The following AKT3 variants were observed in gnomAD, a reference collection of about 807,000 sequenced individuals.
The protein encoded by AKT3 is RAC-gamma serine/threonine-protein kinase.
AKT3 carries 15 observed loss-of-function variants against 65.3 expected under a neutral mutation model. The ratio of observed to expected loss-of-function variants is 0.23; its 90% CI spans 0.15 to 0.35. The LOEUF (loss-of-function observed/expected upper bound fraction) is 0.35, where lower values mean the gene tolerates loss of function less well. Ranked by LOEUF, AKT3 falls within the 10% of genes least tolerant of loss-of-function variation. The pLI, the probability that AKT3 is intolerant of heterozygous loss-of-function variation, is 1.00. For synonymous variants in AKT3, 206 were observed against 183.8 expected, an observed-to-expected ratio of 1.12 and a Z score of -0.98; for missense variants, 243 against 576.5, an observed-to-expected ratio of 0.42 and a Z score of 5.92.
At chr1:243,730,364 G>C (rs992827719) in intron 2 of AKT3, among the ~76,000 whole-genome samples, 6 of 152,124 alleles carry the variant, frequency 3.9e-5, no homozygotes, top group African/African-American at 1.4e-4. Flanking sequence ...AGTTGTCCAC[G>C]TAACCTCATT....
Position 243,594,070 on chromosome 1 carries a change from G to A in AKT3, c.696+19601C>T, listed in dbSNP as rs184237751. Among the ~76,000 whole-genome samples, 498 of 152,210 alleles carry A rather than the reference G, an allele frequency of 3.3e-3. 5 individuals are homozygous for A. Among genetic ancestry groups the A allele is most frequent in the African/African-American group, 0.012 (489 of 41,536 alleles). ...ACATTTCAAAGAAATTTAGAAAAAGGGTTTCTAGAACTAATAAGTGAGCTT... is the reference window on the plus strand; with the variant it reads ...ACATTTCAAAGAAATTTAGAAAAAGAGTTTCTAGAACTAATAAGTGAGCTT... On this transcript the variant is annotated intron_variant, in intron 8 of 13. Transcript: ENST00000673466.
At chr1:243,743,975 G>A (rs895689753) in intron 2 of AKT3, among the ~76,000 whole-genome samples, 2 of 152,154 alleles carry the variant, frequency 1.3e-5, no homozygotes, top group South Asian at 2.1e-4. Flanking sequence ...ACATATGCAC[G>A]TTCTATGATC....
chr1:243,583,548 AAAAAAAAAG>A (rs1294667811), intron 8 of AKT3, among the ~76,000 whole-genome samples: 40 of 45,790 alleles, frequency 8.7e-4, no homozygotes, highest in Admixed American at 5.4e-3. Context: ...CTCAAAAAAA[AAAAAAAAAG>A]AAAAAAAAAA....
intron 2 of AKT3, among the ~76,000 whole-genome samples, chr1:243,806,940 C>A (rs1160788779): frequency 6.6e-6 from 1 of 152,116 alleles, no homozygotes; most frequent in Non-Finnish European, 1.5e-5. Context: ...CATTAAAAAG[C>A]AATTTCCCTA....
intron 3 of AKT3, among the ~76,000 whole-genome samples, chr1:243,694,052 G>A (rs1297934242): frequency 4.6e-5 from 7 of 152,258 alleles, no homozygotes; most frequent in Admixed American, 1.3e-4. Flanking sequence ...TTGGCAGACT[G>A]TGACATACAG....
intron 4 of AKT3, among the ~76,000 whole-genome samples, chr1:243,647,821 T>C (rs1680954675): frequency 6.6e-6 from 1 of 152,254 alleles, no homozygotes; most frequent in Non-Finnish European, 1.5e-5. Context: ...CATGCTTTGT[T>C]TCACAAGTTA....
At chr1:243,546,876 C>T (rs1419072566) in intron 11 of AKT3, 1 of 152,104 alleles carries the variant, frequency 6.6e-6, no homozygotes, top group Non-Finnish European at 1.5e-5. Flanking sequence ...ACGATTAGTT[C>T]CAACATGAAT....
intron 2 of AKT3, among the ~76,000 whole-genome samples, chr1:243,729,289 C>T (rs868405985): frequency 6.6e-6 from 1 of 152,106 alleles, no homozygotes; most frequent in South Asian, 2.1e-4. Flanking sequence ...GATACTATTG[C>T]ACCTTTATAT....
At chr1:243,753,439 A>G (rs1363268740) in intron 2 of AKT3, among the ~76,000 whole-genome samples, 2 of 152,182 alleles carry the variant, frequency 1.3e-5, no homozygotes, top group Non-Finnish European at 2.9e-5. Flanking sequence ...AAAATCTAGT[A>G]TCTTCAAAAT....
At chr1:243,531,805 G>T (rs1671549301) in intron 12 of AKT3, among the ~76,000 whole-genome samples, 2 of 152,042 alleles carry the variant, frequency 1.3e-5, no homozygotes, top group South Asian at 4.1e-4. Context: ...ATGTTTTGTA[G>T]TCGGTAGTGT....
intron 12 of AKT3, among the ~76,000 whole-genome samples, chr1:243,544,808 A>T (rs1672553196): frequency 6.6e-6 from 1 of 151,472 alleles, no homozygotes; most frequent in South Asian, 2.1e-4. Context: ...TGCTCAAGCA[A>T]TTCTCCTGCC....
intron 3 of AKT3, among the ~76,000 whole-genome samples, chr1:243,689,264 C>T (rs1365384650): frequency 6.6e-6 from 1 of 151,998 alleles, no homozygotes; most frequent in Non-Finnish European, 1.5e-5. Flanking sequence ...TATGATCTCT[C>T]ATAATTCATG....
At chr1:243,834,426 T>C (rs1037932796) in intron 2 of AKT3, among the ~76,000 whole-genome samples, 2 of 152,178 alleles carry the variant, frequency 1.3e-5, no homozygotes, top group Non-Finnish European at 2.9e-5. Flanking sequence ...ATATTACATG[T>C]TCTCACGTGT....
At chr1:243,846,184 C>T (rs1379756095) in intron 1 of AKT3, among the ~76,000 whole-genome samples, 1 of 152,142 alleles carries the variant, frequency 6.6e-6, no homozygotes, top group Admixed American at 6.5e-5. Context: ...TTGGGCTAAG[C>T]TCCATTATTG....
At chr1:243,755,705 T>C (rs1005119556) in intron 2 of AKT3, among the ~76,000 whole-genome samples, 3 of 152,192 alleles carry the variant, frequency 2.0e-5, no homozygotes, top group African/African-American at 7.2e-5. Flanking sequence ...TAGCAAATCA[T>C]ATTTGTAAAG....
At chr1:243,583,195 T>TATACAC (rs759291565) in intron 8 of AKT3, among the ~76,000 whole-genome samples, 471 of 88,170 alleles carry the variant, frequency 5.3e-3, no homozygotes, top group Non-Finnish European at 6.2e-3. Context: ...TATATATATA[T>TATACAC]ACACACACAC....
intron 4 of AKT3, among the ~76,000 whole-genome samples, chr1:243,648,229 G>C (rs1239855246): frequency 6.6e-6 from 1 of 150,886 alleles, no homozygotes; most frequent in African/African-American, 2.4e-5. Flanking sequence ...TGGCACTCCA[G>C]TGAGGGTGAC....
chr1:243,569,623 ATT>A (rs1226525367), intron 9 of AKT3, among the ~76,000 whole-genome samples: 1 of 152,194 alleles, frequency 6.6e-6, no homozygotes, highest in African/African-American at 2.4e-5. Flanking sequence ...AAGTACCTAA[ATT>A]TATTTGGTGC....
chr1:243,758,991 T>C (rs1245072377), intron 2 of AKT3, among the ~76,000 whole-genome samples: 4 of 152,002 alleles, frequency 2.6e-5, no homozygotes, highest in African/African-American at 9.7e-5. Context: ...CATTCTGACT[T>C]AAGTTAAGTA....
Sources: gnomAD v4.1 joint callset for allele counts (sites outside exome capture counted in the v4.1 genomes callset) on GRCh38, gnomAD v4.1.1 for gene constraint, MANE v1.5 for transcripts, NCBI Gene and HGNC (gene_info 2026-07-23, HGNC 2026-07-21) for gene names.